The following MSMO1 variants were observed in gnomAD, a reference collection of about 807,000 sequenced individuals.
The protein encoded by MSMO1 is methylsterol monooxygenase 1.
A neutral mutation model predicts 30.4 loss-of-function variants in MSMO1; 18 were observed. That is an observed-to-expected ratio of 0.59 (90% CI 0.41 to 0.88). The LOEUF (loss-of-function observed/expected upper bound fraction) is 0.88, where lower values mean the gene tolerates loss of function less well. Ranked by LOEUF, MSMO1 falls within the 40% of genes least tolerant of loss-of-function variation. MSMO1 has a pLI of 0.00. For missense variants in MSMO1, 284 were observed against 340.5 expected (o/e 0.83, Z 1.31); for synonymous variants, 84 against 107.9 (o/e 0.78, Z 1.37).
chr4:165,337,766 G>A (rs1165424702), intron 2 of MSMO1, 23 bp from the exon 3 acceptor site: 1 of 1,611,674 alleles, frequency 6.2e-7, no homozygotes, highest in East Asian at 2.2e-5. Flanking sequence ...ACTAATATTA[G>A]ATATTGTGAT....
rs749543337 is a variant in MSMO1, at chr4:165,340,207, T to C, written c.532-14T>C. 3.1e-6 allele frequency: 5 copies of C among 1,612,464 alleles called. No individual in the cohort carries two copies. Among genetic ancestry groups the C allele is most frequent in the African/African-American group, 2.7e-5 (2 of 74,878 alleles). On this transcript the variant is annotated splice_polypyrimidine_tract_variant and intron_variant, in intron 4 of 5. Coordinates refer to ENST00000261507, the MANE Select transcript of MSMO1 (RefSeq NM_006745.5). ...TAGCTAAGAAATTAAGAATTTCTTA[T>C]CTGTTTGTCTTAGGCTCCATTTGGA...
chr4:165,330,398 G>C (rs1747357674), intron 1 of MSMO1, among the ~76,000 whole-genome samples: 1 of 152,178 alleles, frequency 6.6e-6, no homozygotes, highest in Admixed American at 6.5e-5. Flanking sequence ...TTACATGCCA[G>C]GTCCTGTGCT....
At chr4:165,329,625 A>ATTTCTTT (rs1747335395) in intron 1 of MSMO1, among the ~76,000 whole-genome samples, 1 of 67,992 alleles carries the variant, frequency 1.5e-5, no homozygotes, top group Non-Finnish European at 2.7e-5. Flanking sequence ...ATCCATAGCG[A>ATTTCTTT]TTTTTTTTTT....
At chr4:165,329,814 T>G (rs771843454) in intron 1 of MSMO1, among the ~76,000 whole-genome samples, 32 of 151,796 alleles carry the variant, frequency 2.1e-4, no homozygotes, top group Non-Finnish European at 4.6e-4. Context: ...TTTTTGTATT[T>G]TTTTGGTGGA....
At chr4:165,339,429 T>C (rs1198303830) in intron 4 of MSMO1, among the ~76,000 whole-genome samples, 1 of 152,146 alleles carries the variant, frequency 6.6e-6, no homozygotes, top group African/African-American at 2.4e-5. Flanking sequence ...GATGTAGCTT[T>C]GTCAACTGGT....
intron 2 of MSMO1, among the ~76,000 whole-genome samples, chr4:165,337,338 A>G (rs1006748270): frequency 3.3e-5 from 5 of 152,210 alleles, no homozygotes; most frequent in African/African-American, 1.2e-4. Context: ...TTTGAACAAA[A>G]GTGCATTTAT....
At chr4:165,336,962 G>A (rs570495098) in intron 2 of MSMO1, among the ~76,000 whole-genome samples, 13 of 152,298 alleles carry the variant, frequency 8.5e-5, no homozygotes, top group Middle Eastern at 3.4e-3. Flanking sequence ...CTGCTGATGC[G>A]CAGTAGTTCC....
chr4:165,334,182 T>G (rs1325889823), intron 2 of MSMO1, among the ~76,000 whole-genome samples: 1 of 152,234 alleles, frequency 6.6e-6, no homozygotes, highest in Non-Finnish European at 1.5e-5. Context: ...CAATTCCGTG[T>G]GTATTTTACA....
chr4:165,339,559 G>A (rs1332256552), intron 4 of MSMO1, among the ~76,000 whole-genome samples: 1 of 152,120 alleles, frequency 6.6e-6, no homozygotes, highest in African/African-American at 2.4e-5. Context: ...ATTATTTAAT[G>A]CCTTTATCTT....
chr4:165,333,920 A>G (rs1375015294), intron 2 of MSMO1, among the ~76,000 whole-genome samples: 1 of 152,158 alleles, frequency 6.6e-6, no homozygotes, highest in Non-Finnish European at 1.5e-5. Flanking sequence ...GCTTGAGGCC[A>G]GGAGTTCAAG....
chr4:165,337,241 C>T (rs975497175), intron 2 of MSMO1, among the ~76,000 whole-genome samples: 1 of 152,174 alleles, frequency 6.6e-6, no homozygotes, highest in Admixed American at 6.5e-5. Flanking sequence ...TCTAACTTTT[C>T]TCATTTTGAC....
intron 1 of MSMO1, among the ~76,000 whole-genome samples, chr4:165,328,952 C>T (rs1456784855): frequency 3.9e-5 from 6 of 152,086 alleles, no homozygotes; most frequent in Non-Finnish European, 7.3e-5. Context: ...ACATACTGAA[C>T]CTTTGGACCT....
intron 2 of MSMO1, among the ~76,000 whole-genome samples, chr4:165,334,742 G>A (rs1560848290): frequency 6.6e-6 from 1 of 152,204 alleles, no homozygotes; most frequent in African/African-American, 2.4e-5. Flanking sequence ...AGTTTCTAGT[G>A]TTTGCTGTTT....
intron 4 of MSMO1, 76 bp downstream of exon 4, chr4:165,338,854 A>G: frequency 8.0e-7 from 1 of 1,251,560 alleles, no homozygotes; most frequent in Non-Finnish European, 1.1e-6. Flanking sequence ...TTTTTCTAAA[A>G]TTGTTGGTGA....
In MSMO1 at chr4:165,327,719, C is replaced by G. The variant is rs1458993787; in HGVS notation, c.-77C>G. On this transcript the variant is annotated 5_prime_UTR_variant, in exon 1 of 6. Coordinates refer to ENST00000261507, the MANE Select transcript of MSMO1 (RefSeq NM_006745.5). ...CAGGTTCCGAGGTTGGAACACCTGG[C>G]GAGTCCTCGGTGTCGGTGGCCGGCA... The G allele has an allele frequency of 6.6e-6, 1 of 152,364 alleles. No individual in the cohort carries two copies. The highest frequency in any genetic ancestry group is 1.5e-5 in the Non-Finnish European group (1 of 68,182). 9.4% of individuals were successfully genotyped at this position (152,364 alleles called of 1,614,324 possible).
intron 5 of MSMO1, 56 bp downstream of exon 5, chr4:165,340,431 G>T (rs1414919455): frequency 7.1e-7 from 1 of 1,414,120 alleles, no homozygotes; most frequent in African/African-American, 1.4e-5. Flanking sequence ...TTATTTTCAT[G>T]GCCATAAGAT....
chr4:165,340,419 A>G, intron 5 of MSMO1, 44 bp downstream of exon 5: 2 of 1,480,676 alleles, frequency 1.4e-6, no homozygotes, highest in South Asian at 2.3e-5. Flanking sequence ...AATGAAATAT[A>G]TTTATTTTCA....
chr4:165,328,420 G>A (rs985460005), intron 1 of MSMO1, among the ~76,000 whole-genome samples: 2 of 152,186 alleles, frequency 1.3e-5, no homozygotes, highest in African/African-American at 2.4e-5. Context: ...TGAACTTTGA[G>A]TGTTTTAAGG....
At chr4:165,330,406 GCTAA>G (rs1212555814) in intron 1 of MSMO1, among the ~76,000 whole-genome samples, 4 of 152,188 alleles carry the variant, frequency 2.6e-5, no homozygotes, top group Non-Finnish European at 5.9e-5. Flanking sequence ...CAGGTCCTGT[GCTAA>G]CTAAGCGCTT....
Sources: gnomAD v4.1 joint callset for allele counts (sites outside exome capture counted in the v4.1 genomes callset) on GRCh38, gnomAD v4.1.1 for gene constraint, MANE v1.5 for transcripts, NCBI Gene and HGNC (gene_info 2026-07-23, HGNC 2026-07-21) for gene names.